SIK3: variants seen among roughly 807,000 people sequenced by gnomAD.
SIK3 encodes serine/threonine-protein kinase SIK3.
In SIK3, 28 loss-of-function variants were observed where a neutral mutation model predicts 144.2. The ratio of observed to expected loss-of-function variants is 0.19; its 90% CI spans 0.14 to 0.27. The LOEUF is 0.27. SIK3 is among the 10% of genes least tolerant of loss of function. The pLI, the probability that SIK3 is intolerant of heterozygous loss-of-function variation, is 1.00. For synonymous variants in SIK3, 686 were observed against 676.3 expected, an observed-to-expected ratio of 1.01 and a Z score of -0.22; for missense variants, 1,319 against 1,776.0, an observed-to-expected ratio of 0.74 and a Z score of 4.62.
intron 1 of SIK3, among the ~76,000 whole-genome samples, chr11:117,009,160 G>A (rs1951160382): frequency 6.6e-6 from 1 of 151,426 alleles, no homozygotes; most frequent in Non-Finnish European, 1.5e-5. Context: ...CTTGAACCCA[G>A]GAGGCAGAGG....
At chr11:116,857,704 CT>C in intron 21 of SIK3, 105 bp downstream of exon 21, 1 of 1,463,586 alleles carries the variant, frequency 6.8e-7, no homozygotes, top group South Asian at 1.5e-5. Flanking sequence ...CTCAGAAATT[CT>C]TTTTTTCTTA....
rs536897707 is a variant in SIK3, at chr11:117,097,312, A to T, written c.273+831T>A. 5.3e-5 allele frequency among the ~76,000 whole-genome samples: 8 copies of T among 152,038 alleles called. No homozygotes were observed. In the South Asian group the frequency reaches 1.7e-3, roughly 32 times the overall value. ...GCTTCCCCCCAACCAGTAAAAGCCC[A>T]CCCTGGGTTCTACAAAGCCCACAAT... is the stretch of plus-strand genomic sequence containing the variant. On this transcript the variant is annotated intron_variant, in intron 1 of 24. Coordinates refer to ENST00000445177, the MANE Select transcript of SIK3 (RefSeq NM_001366686.3).
rs1392421342 is a variant in SIK3, at chr11:116,867,856, C to T, written c.1952+90G>A. On this transcript the variant is annotated intron_variant, in intron 15 of 24. Coordinates refer to ENST00000445177, the MANE Select transcript of SIK3 (RefSeq NM_001366686.3). This position sits in a 1 kb window ranked among gnomAD's most constrained non-coding sequence, Gnocchi z 4.1. ...GACAGCTGGCTTCTATTTAAAGCCA[C>T]GATGCTAGTCACCGTCGCTGTGAGA... 5 of 1,327,740 alleles carry T rather than the reference C, an allele frequency of 3.8e-6. No individual in the cohort carries two copies. Among genetic ancestry groups the T allele is most frequent in the Non-Finnish European group, 5.0e-6 (5 of 994,580 alleles). The allele number at this position is 1,327,740 out of a possible 1,614,324, so 82.2% of individuals were successfully genotyped here. A position where few individuals can be genotyped will look rare whatever the true frequency, so the allele number is the denominator to read the frequency against.
chr11:117,023,506 A>C (rs1287291610), intron 1 of SIK3, among the ~76,000 whole-genome samples: 1 of 149,916 alleles, frequency 6.7e-6, no homozygotes, highest in East Asian at 2.0e-4. Context: ...ACTGGGCTCA[A>C]GTGATCCTCT....
chr11:116,993,986 G>A (rs192395036), intron 1 of SIK3, among the ~76,000 whole-genome samples: 2 of 152,192 alleles, frequency 1.3e-5, no homozygotes, highest in Non-Finnish European at 2.9e-5. Flanking sequence ...CTTTCAGAGA[G>A]CTTTTGTTGG....
intron 1 of SIK3, among the ~76,000 whole-genome samples, chr11:116,971,958 C>T (rs541929168): frequency 1.1e-4 from 16 of 152,132 alleles, no homozygotes; most frequent in Non-Finnish European, 1.3e-4. Context: ...CGTGGTGGCA[C>T]GCGCCTGTAA....
intron 1 of SIK3, among the ~76,000 whole-genome samples, chr11:117,025,558 A>G (rs1951971999): frequency 6.8e-6 from 1 of 147,672 alleles, no homozygotes; most frequent in South Asian, 2.2e-4. Flanking sequence ...CCTCTGGAGT[A>G]GCTGAGACCA....
intron 1 of SIK3, among the ~76,000 whole-genome samples, chr11:117,027,450 CTGTT>C (rs749427910): frequency 5.6e-4 from 83 of 148,282 alleles, no homozygotes; most frequent in Middle Eastern, 3.6e-3. Flanking sequence ...TTTTTTATAT[CTGTT>C]TGTTTGTTTG....
At chr11:117,019,892 G>C (rs972183894) in intron 1 of SIK3, among the ~76,000 whole-genome samples, 1 of 150,602 alleles carries the variant, frequency 6.6e-6, no homozygotes, top group Non-Finnish European at 1.5e-5. Flanking sequence ...GAGAGACTCC[G>C]TTTAAAAAAA....
At chr11:116,903,822 G>A (rs1488049501) in intron 4 of SIK3, among the ~76,000 whole-genome samples, 2 of 152,172 alleles carry the variant, frequency 1.3e-5, no homozygotes, top group Non-Finnish European at 2.9e-5. Context: ...CTAGGCTCAA[G>A]CGATCCTCCT....
At chr11:117,044,620 A>G (rs1482524791) in intron 1 of SIK3, among the ~76,000 whole-genome samples, 3 of 152,152 alleles carry the variant, frequency 2.0e-5, no homozygotes, top group African/African-American at 7.2e-5. Context: ...ACCAAGAAAA[A>G]AAAAAAAAGT....
At chr11:117,026,565 T>C (rs928641132) in intron 1 of SIK3, among the ~76,000 whole-genome samples, 1 of 152,240 alleles carries the variant, frequency 6.6e-6, no homozygotes, top group Admixed American at 6.5e-5. Context: ...CATGTACATA[T>C]TGATCAGAAC....
chr11:116,964,396 G>C (rs1259274959), intron 1 of SIK3, among the ~76,000 whole-genome samples: 1 of 152,062 alleles, frequency 6.6e-6, no homozygotes, highest in Admixed American at 6.6e-5. Context: ...GGAAAGAACA[G>C]GTTATTCTAT....
intron 3 of SIK3, among the ~76,000 whole-genome samples, chr11:116,941,779 T>C (rs1190313108): frequency 6.6e-6 from 1 of 152,230 alleles, no homozygotes; most frequent in African/African-American, 2.4e-5. Context: ...CAGGAAATTT[T>C]GCTTGATAAA....
intron 3 of SIK3, among the ~76,000 whole-genome samples, chr11:116,930,583 C>T (rs77203966): frequency 0.073 from 11,162 of 152,178 alleles, 736 homozygotes; most frequent in African/African-American, 0.18. Flanking sequence ...CCACTCAATA[C>T]GCAAAGTAAA....
intron 1 of SIK3, among the ~76,000 whole-genome samples, chr11:117,071,612 C>G (rs541876639): frequency 5.3e-5 from 8 of 151,774 alleles, no homozygotes; most frequent in Non-Finnish European, 1.2e-4. Context: ...AAGAGAAATT[C>G]CAAGAGTTGT....
At chr11:116,873,812 C>A in intron 12 of SIK3, 91 bp downstream of exon 12, 9 of 1,510,774 alleles carry the variant, frequency 6.0e-6, no homozygotes, top group Non-Finnish European at 7.1e-6. Flanking sequence ...TATAAGTAAA[C>A]CCTTAAGTCC....
At chr11:116,997,382 G>A (rs1325100819) in intron 1 of SIK3, among the ~76,000 whole-genome samples, 4 of 152,196 alleles carry the variant, frequency 2.6e-5, no homozygotes, top group Non-Finnish European at 4.4e-5. Flanking sequence ...CATATGTGTA[G>A]TAATCATTCA....
chr11:117,065,293 A>G (rs1039417622), intron 1 of SIK3, among the ~76,000 whole-genome samples: 8 of 152,036 alleles, frequency 5.3e-5, no homozygotes, highest in African/African-American at 1.7e-4. Flanking sequence ...TTAAAAAATG[A>G]AAGAACAAGT....
Sources: allele counts gnomAD v4.1 joint callset (sites outside exome capture counted in the v4.1 genomes callset), GRCh38; gene constraint gnomAD v4.1.1; non-coding constraint Gnocchi (gnomAD v3.1); transcripts MANE v1.5; gene names NCBI Gene and HGNC (gene_info 2026-07-23, HGNC 2026-07-21).